The following GRAMD2B variants were observed in gnomAD, a reference collection of about 807,000 sequenced individuals.
GRAMD2B encodes GRAM domain containing 2B, also known as GRAM domain-containing protein 2B.
A neutral mutation model predicts 59.2 loss-of-function variants in GRAMD2B; 41 were observed. That is an observed-to-expected ratio of 0.69 (90% CI 0.54 to 0.90). The LOEUF is 0.90. GRAMD2B is among the 40% of genes least tolerant of loss of function. The pLI, the probability that GRAMD2B is intolerant of heterozygous loss-of-function variation, is 0.00. For missense variants in GRAMD2B, 424 were observed against 500.5 expected (o/e 0.85, Z 1.46); for synonymous variants, 161 against 182.7 (o/e 0.88, Z 0.96).
intron 1 of GRAMD2B, among the ~76,000 whole-genome samples, chr5:126,449,186 T>C (rs1764879385): frequency 6.6e-6 from 1 of 152,234 alleles, no homozygotes; most frequent in Admixed American, 6.5e-5. Flanking sequence ...GCTTATTTCC[T>C]TGAAAGTGGT....
chr5:126,410,861 C>G (rs1293671796), intron 1 of GRAMD2B, among the ~76,000 whole-genome samples: 1 of 151,962 alleles, frequency 6.6e-6, no homozygotes, highest in African/African-American at 2.4e-5. Context: ...TCTTTGATGT[C>G]AGTGATGTGG....
At chr5:126,376,821 A>C (rs111486535) in intron 1 of GRAMD2B, among the ~76,000 whole-genome samples, 5 of 152,236 alleles carry the variant, frequency 3.3e-5, no homozygotes, top group African/African-American at 1.2e-4. Flanking sequence ...GCAAATGGGC[A>C]AGGTCAGGGC....
At chr5:126,396,641 A>C (rs140586825) in intron 1 of GRAMD2B, among the ~76,000 whole-genome samples, 1,529 of 152,306 alleles carry the variant, frequency 0.01, 40 homozygotes, top group African/African-American at 0.035. Flanking sequence ...ATGAACATAC[A>C]TGTGCATGTA....
At chr5:126,468,983 A>G (rs1352046123) in intron 2 of GRAMD2B, among the ~76,000 whole-genome samples, 1 of 152,226 alleles carries the variant, frequency 6.6e-6, no homozygotes, top group African/African-American at 2.4e-5. Context: ...GCCCTACTCA[A>G]TTAATACTTG....
intron 5 of GRAMD2B, among the ~76,000 whole-genome samples, chr5:126,476,928 T>C (rs1307662905): frequency 6.6e-6 from 1 of 152,184 alleles, no homozygotes; most frequent in Non-Finnish European, 1.5e-5. Flanking sequence ...ATCTCCAATT[T>C]ATAAATCAAA....
intron 1 of GRAMD2B, among the ~76,000 whole-genome samples, chr5:126,380,029 T>C (rs1448916278): frequency 1.3e-5 from 2 of 152,236 alleles, no homozygotes. Flanking sequence ...TCTAGAATTT[T>C]TATGGTTTCA....
Position 126,493,955 on chromosome 5 carries a change from G to A in GRAMD2B, c.*999G>A, listed in dbSNP as rs1257500819. 6.6e-6 allele frequency: 1 copy of A among 152,422 alleles called. No individual in the cohort carries two copies. Among genetic ancestry groups the A allele is most frequent in the African/African-American group, 2.4e-5 (1 of 41,400 alleles). The allele number at this position is 152,422 out of a possible 1,614,324, so 9.4% of individuals were successfully genotyped here. ...CTGGTTTTTATTAATAATTGTTTAGGGTATCATAAGATCTGTAAGTACAAA... is the reference window on the plus strand; with the variant it reads ...CTGGTTTTTATTAATAATTGTTTAGAGTATCATAAGATCTGTAAGTACAAA... On this transcript the variant is annotated 3_prime_UTR_variant, in exon 14 of 14. Coordinates refer to ENST00000285689, the MANE Select transcript of GRAMD2B (RefSeq NM_023927.4).
At chr5:126,475,831 G>A (rs573944275) in intron 5 of GRAMD2B, among the ~76,000 whole-genome samples, 5 of 151,878 alleles carry the variant, frequency 3.3e-5, no homozygotes, top group African/African-American at 9.7e-5. Flanking sequence ...GGATGTGGCC[G>A]GGCGCAGTGG....
chr5:126,464,189 A>G (rs1222384834), intron 1 of GRAMD2B, among the ~76,000 whole-genome samples: 1 of 152,218 alleles, frequency 6.6e-6, no homozygotes, highest in Non-Finnish European at 1.5e-5. Context: ...ACACAGCTTA[A>G]ACTATCCAGT....
At chr5:126,411,873 T>TGTGTGTGTGTGTG (rs1332782923) in intron 1 of GRAMD2B, among the ~76,000 whole-genome samples, 1 of 151,894 alleles carries the variant, frequency 6.6e-6, no homozygotes, top group South Asian at 2.1e-4. Context: ...TGTGTGTCTA[T>TGTGTGTGTGTGTG]TTTAAATGGG....
At chr5:126,478,802 G>A (rs1771143460) in intron 6 of GRAMD2B, among the ~76,000 whole-genome samples, 2 of 152,102 alleles carry the variant, frequency 1.3e-5, no homozygotes, top group South Asian at 4.1e-4. Context: ...TTACTGACAG[G>A]GTGAGGCAGG....
chr5:126,361,182 T>A (rs1025041368), intron 1 of GRAMD2B, among the ~76,000 whole-genome samples: 2 of 152,130 alleles, frequency 1.3e-5, no homozygotes. Context: ...GAATAAATAA[T>A]TGTATTGAAG....
rs139072563 is a variant in GRAMD2B at position 126,447,698 on chromosome 5, G to C, written c.84-17728G>C. On this transcript the variant is annotated intron_variant, in intron 1 of 13. Coordinates refer to ENST00000285689, the MANE Select transcript of GRAMD2B (RefSeq NM_023927.4). The stretch of plus-strand genomic sequence containing the variant: ...AAAAAAAAAAAAAAGAAAGAGATCA[G>C]AAAGCCTGGCCTTTAGAGCTGATTT... Among the ~76,000 whole-genome samples the C allele has an allele frequency of 4.4e-3, 665 of 150,680 alleles. 8 individuals carry two copies. Among genetic ancestry groups the C allele is most frequent in the African/African-American group, 0.015 (630 of 40,938 alleles).
chr5:126,465,497 C>T lies in GRAMD2B; in HGVS notation c.155C>T (p.Pro52Leu), dbSNP rs758938822. The change falls in exon 2 of 14, where the codon CCA (proline) becomes CTA (leucine). Residue 52 changes from proline to leucine, a missense_variant. By Grantham distance (98) the Pro-to-Leu change is moderately conservative (BLOSUM62 -3). Coordinates refer to ENST00000285689, the MANE Select transcript of GRAMD2B (RefSeq NM_023927.4). ...TCGCCAACAGCCCAATCCCCTACCC[C>T]ATCTGTGGAGGCGGACTCCCCAGAC... ...CRSPTAQSPT[P>L]SVEADSPDQK... 18 of 1,614,016 alleles carry T rather than the reference C, an allele frequency of 1.1e-5. No individual in the cohort carries two copies. Among genetic ancestry groups the T allele is most frequent in the Non-Finnish European group, 1.4e-5 (17 of 1,180,024 alleles).
upstream of GRAMD2B, among the ~76,000 whole-genome samples, chr5:126,369,038 T>C (rs1408949572): frequency 1.3e-5 from 2 of 152,182 alleles, no homozygotes; most frequent in Non-Finnish European, 2.9e-5. Context: ...AGCCTCCAGA[T>C]AAATGTTCAC....
At chr5:126,386,582 T>A (rs1390138376) in intron 1 of GRAMD2B, among the ~76,000 whole-genome samples, 1 of 152,204 alleles carries the variant, frequency 6.6e-6, no homozygotes, top group Non-Finnish European at 1.5e-5. Context: ...GGGACCATCA[T>A]GGAGGCTGGC....
At chr5:126,430,411 A>G (rs1761373476) in intron 1 of GRAMD2B, among the ~76,000 whole-genome samples, 1 of 152,160 alleles carries the variant, frequency 6.6e-6, no homozygotes, top group Non-Finnish European at 1.5e-5. Context: ...GTGTAATTCC[A>G]TGACTCTTAG....
Position 126,375,901 on chromosome 5 carries a change from C to A in GRAMD2B, c.125+4334C>A, listed in dbSNP as rs368878182. Among the ~76,000 whole-genome samples the A allele has an allele frequency of 7.2e-5, 11 of 152,270 alleles. No individual in the cohort carries two copies. In the East Asian group the frequency reaches 2.1e-3, roughly 29 times the overall value. Reference sequence around the variant, plus strand: ...TTCCCAGCCTCCATTGAGTTAATCCCCATTTGAAAATCTTTGACATTGATA... The same window carrying A: ...TTCCCAGCCTCCATTGAGTTAATCCACATTTGAAAATCTTTGACATTGATA... On this transcript the variant is annotated intron_variant, in intron 1 of 8. Coordinates refer to the GRAMD2B transcript ENST00000506445.
intron 3 of GRAMD2B, among the ~76,000 whole-genome samples, chr5:126,470,471 T>G (rs762888560): frequency 6.6e-6 from 1 of 152,216 alleles, no homozygotes; most frequent in Non-Finnish European, 1.5e-5. Flanking sequence ...ATTTCCATAG[T>G]AGTCCCAGTA....
Sources: gnomAD v4.1 joint callset for allele counts (sites outside exome capture counted in the v4.1 genomes callset) on GRCh38, gnomAD v4.1.1 for gene constraint, MANE v1.5 for transcripts, NCBI Gene and HGNC (gene_info 2026-07-23, HGNC 2026-07-21) for gene names.